Variants in DKK2 observed in about 807,000 individuals in gnomAD.
DKK2 encodes the protein dickkopf Wnt signaling pathway inhibitor 2, also known as dickkopf-related protein 2.
DKK2 carries 11 observed loss-of-function variants against 28.1 expected under a neutral mutation model. That is an observed-to-expected ratio of 0.39 (90% confidence interval 0.25 to 0.65). The LOEUF (loss-of-function observed/expected upper bound fraction) is 0.65. DKK2 is among the 30% of genes least tolerant of loss of function. The probability of loss-of-function intolerance (pLI) is 0.47; values close to 1 mark genes in which losing one functional copy is unlikely to be tolerated. For synonymous variants in DKK2, 135 were observed against 126.5 expected (o/e 1.07, Z -0.45); for missense variants, 326 against 335.5 (o/e 0.97, Z 0.22).
At chr4:107,015,833 A>C (rs1723594393) in intron 1 of DKK2, among the ~76,000 whole-genome samples, 1 of 151,776 alleles carries the variant, frequency 6.6e-6, no homozygotes, top group South Asian at 2.1e-4. Flanking sequence ...ATGGGGTCAC[A>C]GAATGACCTG....
At position 106,962,228 on chromosome 4, in the gene DKK2, A is replaced by C. The variant is rs534659964; in HGVS notation, c.223-36279T>G. 6.2e-5 allele frequency among the ~76,000 whole-genome samples: 9 copies of C among 145,510 alleles called. No individual in the cohort carries two copies. In the South Asian group the frequency reaches 1.9e-3, roughly 30 times the overall value. On this transcript the variant is annotated intron_variant, in intron 1 of 3. Transcript: ENST00000285311. ...TTCATTATAGTTATTTATGGATTTC[A>C]AAATATTGTTTTCACTCATCACCAT...
chr4:107,000,665 C>T (rs543920393), intron 1 of DKK2, among the ~76,000 whole-genome samples: 2 of 152,254 alleles, frequency 1.3e-5, no homozygotes, highest in Non-Finnish European at 2.9e-5. Flanking sequence ...TGTAATATAG[C>T]ATGCCCATAT....
At chr4:106,938,368 G>A (rs1189049327) in intron 1 of DKK2, among the ~76,000 whole-genome samples, 1 of 152,154 alleles carries the variant, frequency 6.6e-6, no homozygotes, top group Non-Finnish European at 1.5e-5. Context: ...AGAAAATCTA[G>A]AAGAAATGGA....
At chr4:106,938,513 G>T (rs1464631154) in intron 1 of DKK2, among the ~76,000 whole-genome samples, 1 of 152,184 alleles carries the variant, frequency 6.6e-6, no homozygotes, top group Admixed American at 6.5e-5. Context: ...GGACCAGATG[G>T]ATTCACAGCC....
chr4:106,927,959 TA>T (rs1724446781), intron 1 of DKK2, among the ~76,000 whole-genome samples: 1 of 152,194 alleles, frequency 6.6e-6, no homozygotes, highest in African/African-American at 2.4e-5. Flanking sequence ...ATTCTGAGTA[TA>T]GGATAATCCT....
At chr4:106,992,814 G>T (rs1723223293) in intron 1 of DKK2, among the ~76,000 whole-genome samples, 1 of 152,166 alleles carries the variant, frequency 6.6e-6, no homozygotes, top group African/African-American at 2.4e-5. Flanking sequence ...ACTATTACAT[G>T]GAAAGCACTT....
At chr4:106,973,672 C>T (rs1324423854) in intron 1 of DKK2, among the ~76,000 whole-genome samples, 1 of 152,132 alleles carries the variant, frequency 6.6e-6, no homozygotes, top group Non-Finnish European at 1.5e-5. Context: ...AATTTTCTCC[C>T]ATACTATAGG....
chr4:106,974,750 T>C (rs1476872966), intron 1 of DKK2, among the ~76,000 whole-genome samples: 1 of 152,198 alleles, frequency 6.6e-6, no homozygotes, highest in Non-Finnish European at 1.5e-5. Context: ...TCTTGCCTGA[T>C]TGCCCTGGCC....
intron 1 of DKK2, among the ~76,000 whole-genome samples, chr4:106,962,491 A>ATGTGTGTGTGTG (rs59831895): frequency 5.1e-5 from 6 of 117,698 alleles, no homozygotes; most frequent in Non-Finnish European, 1.1e-4. Flanking sequence ...CAGAAAAACT[A>ATGTGTGTGTGTG]TGTGTGTGTG....
At chr4:107,030,490 G>C (rs1463868223) in intron 1 of DKK2, among the ~76,000 whole-genome samples, 1 of 151,944 alleles carries the variant, frequency 6.6e-6, no homozygotes, top group Non-Finnish European at 1.5e-5. Context: ...GTAGTAAGGG[G>C]CTCAGGCAGA....
rs555427343 is a variant in DKK2, at chr4:106,998,920, G to A, written c.222+36450C>T. Reference sequence around the variant, plus strand: ...AAAAATAGCTCACTGAATACTATGCGATAATTTGTCAGAGGAACAACAGAG... The same window carrying A: ...AAAAATAGCTCACTGAATACTATGCAATAATTTGTCAGAGGAACAACAGAG... On this transcript the variant is annotated intron_variant, in intron 1 of 3. Coordinates refer to ENST00000285311, the MANE Select transcript of DKK2 (RefSeq NM_014421.3). Among the ~76,000 whole-genome samples, 21 of 152,238 alleles carry A rather than the reference G, an allele frequency of 1.4e-4. No individual in the cohort carries two copies. In the South Asian group the frequency reaches 2.1e-3, roughly 15 times the overall value.
intron 1 of DKK2, among the ~76,000 whole-genome samples, chr4:107,013,298 A>T (rs1273192432): frequency 6.6e-6 from 1 of 151,618 alleles, no homozygotes; most frequent in African/African-American, 2.4e-5. Flanking sequence ...AATACATTAC[A>T]AAGTTATAGT....
rs555225532 is a variant in DKK2 at position 107,004,571 on chromosome 4, T to C, written c.222+30799A>G. ...CTATGCAATTCTATAATTCTACATATTATAGAAGACATGGCAAACAAAATA... is the reference window on the plus strand; with the variant it reads ...CTATGCAATTCTATAATTCTACATACTATAGAAGACATGGCAAACAAAATA... On this transcript the variant is annotated intron_variant, in intron 1 of 3. Coordinates refer to ENST00000285311, the MANE Select transcript of DKK2 (RefSeq NM_014421.3). 7.2e-5 allele frequency among the ~76,000 whole-genome samples: 11 copies of C among 152,284 alleles called. No homozygotes were observed. In the South Asian group the frequency reaches 1.2e-3, roughly 17 times the overall value.
chr4:107,015,534 T>C (rs997409352), intron 1 of DKK2, among the ~76,000 whole-genome samples: 3 of 151,752 alleles, frequency 2.0e-5, no homozygotes, highest in African/African-American at 7.2e-5. Flanking sequence ...TTCTATTTTC[T>C]TCATAGTACA....
chr4:106,948,809 T>G (rs1371879165), intron 1 of DKK2, among the ~76,000 whole-genome samples: 1 of 152,188 alleles, frequency 6.6e-6, no homozygotes, highest in Non-Finnish European at 1.5e-5. Flanking sequence ...TCTTTTGGTA[T>G]TATTTGAAGC....
At chr4:106,987,942 G>A (rs1388090393) in intron 1 of DKK2, among the ~76,000 whole-genome samples, 1 of 148,672 alleles carries the variant, frequency 6.7e-6, no homozygotes, top group African/African-American at 2.5e-5. Flanking sequence ...TCGGCTCACT[G>A]CAACTTCCGC....
chr4:107,003,522 T>G (rs760043063), intron 1 of DKK2, among the ~76,000 whole-genome samples: 19 of 152,256 alleles, frequency 1.2e-4, no homozygotes, highest in African/African-American at 2.9e-4. Flanking sequence ...ATACCTTCAT[T>G]GCACAGAGCG....
intron 1 of DKK2, among the ~76,000 whole-genome samples, chr4:106,984,458 G>T (rs931824241): frequency 6.6e-6 from 1 of 152,144 alleles, no homozygotes; most frequent in Non-Finnish European, 1.5e-5. Flanking sequence ...CCTGTGTCTG[G>T]TTTATTTCGC....
At chr4:107,025,062 C>T (rs545537309) in intron 1 of DKK2, among the ~76,000 whole-genome samples, 6 of 152,094 alleles carry the variant, frequency 3.9e-5, no homozygotes, top group Non-Finnish European at 8.8e-5. Flanking sequence ...TTAACCATAT[C>T]CCCAGGCAAA....
Sources: allele counts gnomAD v4.1 joint callset (sites outside exome capture counted in the v4.1 genomes callset), GRCh38; gene constraint gnomAD v4.1.1; transcripts MANE v1.5; gene names NCBI Gene and HGNC (gene_info 2026-07-23, HGNC 2026-07-21).